The following TTN variants were observed in gnomAD, a reference collection of about 807,000 sequenced individuals.
TTN encodes connectin.
In TTN, 1,525 loss-of-function variants were observed where a neutral mutation model predicts 3,223.0. The observed-to-expected ratio is 0.47, with a 90% CI of 0.45 to 0.49. The LOEUF (loss-of-function observed/expected upper bound fraction) is 0.49, where lower values mean the gene tolerates loss of function less well. Among genes scored for constraint, TTN ranks in the 20% least tolerant of loss-of-function variants. The pLI, the probability that TTN is intolerant of heterozygous loss-of-function variation, is 0.00. For synonymous variants in TTN, 14,094 were observed against 15,161.0 expected (o/e 0.93, Z 5.17); for missense variants, 40,786 against 43,424.0 (o/e 0.94, Z 5.40).
chr2:178,804,833 T>C (rs373570218), intron 1 of TTN, among the ~76,000 whole-genome samples, 178 bp from the exon 2 acceptor site: 14 of 152,324 alleles, frequency 9.2e-5, no homozygotes, highest in African/African-American at 1.4e-4. Flanking sequence ...TAGTTCATCA[T>C]TGAGTTGACT....
rs2092394103 is a variant in TTN, at chr2:178,777,885, G to A, written c.4299C>T (p.Ser1433=). 2.5e-6 allele frequency: 4 copies of A among 1,613,914 alleles called. No individual in the cohort carries two copies. Among genetic ancestry groups the A allele is most frequent in the Non-Finnish European group, 8.5e-7 (1 of 1,179,916 alleles). Residue 1433 remains serine (S), a synonymous_variant, in exon 25 of 363, where the codon TCC becomes TCT. Coordinates refer to ENST00000589042, the MANE Select transcript of TTN (RefSeq NM_001267550.2). ...SPARMSPARM[S]PARMSPGRRL... is the part of the protein sequence containing the mutation. ...TACGTCCAGGGGACATTCTTGCAGG[G>A]GACATCCGTGCAGGAGACATCCTTG...
At position 178,547,866 on chromosome 2, in the gene TTN, T is replaced by G; in HGVS notation, c.93760A>C (p.Met31254Leu). The part of the protein sequence containing the change: ...APKVTWKLEE[M>L]RLKETDRVSI... ...ACTCGATCTGTCTCTTTAAGTCTCA[T>G]TTCTTCCAGTTTCCATGTTACTTTG... Residue 31254 changes from methionine to leucine, a missense_variant, in exon 339 of 363, where the codon ATG becomes CTG. By Grantham distance (15) the Met-to-Leu change is conservative (BLOSUM62 2). Coordinates refer to ENST00000589042, the MANE Select transcript of TTN (RefSeq NM_001267550.2). The G allele has an allele frequency of 6.2e-7, 1 of 1,613,902 alleles. No homozygotes were observed. Among genetic ancestry groups the G allele is most frequent in the Non-Finnish European group, 8.5e-7 (1 of 1,179,834 alleles).
chr2:178,591,596 T>A lies in TTN; in HGVS notation c.60220+3A>T. On this transcript the variant is annotated splice_donor_region_variant and intron_variant, in intron 303 of 362. Transcript: ENST00000589042. ...AAGGTAATACTGCTAGTCCAAAAAT[T>A]ACCTAGTTTTTCTTGACATTCTATC... 1 of 1,609,624 alleles carries A rather than the reference T, an allele frequency of 6.2e-7. No individual in the cohort carries two copies. Among genetic ancestry groups the A allele is most frequent in the Non-Finnish European group, 8.5e-7 (1 of 1,178,766 alleles).
intron 294 of TTN, among the ~76,000 whole-genome samples, chr2:178,596,198 T>A (rs1230282878): frequency 6.6e-6 from 1 of 151,488 alleles, no homozygotes; most frequent in Non-Finnish European, 1.5e-5. Context: ...ACCATGTTGG[T>A]CAGGCTGGTC....
intron 2 of TTN, among the ~76,000 whole-genome samples, chr2:178,802,625 C>T (rs1318729806): frequency 1.3e-5 from 2 of 152,202 alleles, no homozygotes; most frequent in African/African-American, 4.8e-5. Context: ...CATCTCCTGC[C>T]TGCCTGCCTA....
chr2:178,785,668 G>A lies in TTN; in HGVS notation c.2445C>T (p.His815=), dbSNP rs748421021. 1 of 1,614,112 alleles carries A rather than the reference G, an allele frequency of 6.2e-7. No homozygotes were observed. Among genetic ancestry groups the A allele is most frequent in the Non-Finnish European group, 8.5e-7 (1 of 1,179,986 alleles). ...VDKRPRTASP[H]FTVSKISVPK... ...GAACAGAAATTTTTGAAACAGTAAAGTGAGGGCTAGCTGTGCGGGGGCGTT... is the reference window on the plus strand; with the variant it reads ...GAACAGAAATTTTTGAAACAGTAAAATGAGGGCTAGCTGTGCGGGGGCGTT... Residue 815 remains histidine, a synonymous_variant, in exon 15 of 363, where the codon CAC becomes CAT. Coordinates refer to ENST00000589042, the MANE Select transcript of TTN (RefSeq NM_001267550.2).
intron 13 of TTN, 92 bp downstream of exon 13, chr2:178,789,268 G>A: frequency 6.6e-7 from 1 of 1,523,266 alleles, no homozygotes; most frequent in Non-Finnish European, 9.1e-7. Context: ...TCAGAGACTT[G>A]ATATTAATGT....
At chr2:178,685,430 G>T in intron 128 of TTN, 88 bp downstream of exon 128, 1 of 1,463,610 alleles carries the variant, frequency 6.8e-7, no homozygotes, top group Admixed American at 2.1e-5. Flanking sequence ...ATCAATATTT[G>T]CAATATGGAT....
rs777349143 is a variant in TTN at position 178,717,258 on chromosome 2, A to G, written c.25476T>C (p.Asp8492=). 47 of 1,613,720 alleles carry G rather than the reference A, an allele frequency of 2.9e-5. No homozygotes were observed. The highest frequency in any genetic ancestry group is 1.1e-4 in the East Asian group (5 of 44,868). The change falls in exon 88 of 363, where the codon GAT becomes GAC. Residue 8492 remains aspartate, a synonymous_variant. Transcript: ENST00000589042. The part of the protein sequence containing the change: ...TAPIKITWAK[D]NREIRPGGNY... ...TGCCTCCAGGGCGAATCTCTCGGTT[A>G]TCTTTGGCCCAAGTGATTTTGATTG...
chr2:178,640,745 T>C (rs1235373132), intron 220 of TTN, 115 bp from the exon 221 acceptor site: 2 of 791,398 alleles, frequency 2.5e-6, no homozygotes, highest in Non-Finnish European at 4.0e-6. Flanking sequence ...AAAAACCTTA[T>C]AGTTTATCAA....
In TTN at chr2:178,685,145, C is replaced by T. The variant is rs547876201; in HGVS notation, c.32470+108G>A. ...CGTTCATACATGTGTTCTGACAAAA[C>T]GTAGACAGTTATGCAAATTGTTATG... On this transcript the variant is annotated intron_variant, in intron 129 of 362. Coordinates refer to ENST00000589042, the MANE Select transcript of TTN (RefSeq NM_001267550.2). The T allele has an allele frequency of 2.8e-5, 34 of 1,194,634 alleles. No homozygotes were observed. In the African/African-American group the frequency reaches 2.9e-4, roughly 10 times the overall value. 74.0% of individuals were successfully genotyped at this position (1,194,634 alleles called of 1,614,324 possible).
chr2:178,534,263 G>A lies in TTN; in HGVS notation c.102352C>T (p.Arg34118Ter), dbSNP rs1212204584. 1 of 1,613,856 alleles carries A rather than the reference G, an allele frequency of 6.2e-7. No homozygotes were observed. The highest frequency in any genetic ancestry group is 8.5e-7 in the Non-Finnish European group (1 of 1,179,840). Residue 34118 changes from arginine (R) to a stop codon, truncating the protein, a stop_gained, in exon 358 of 363, where the codon CGA becomes TGA. Transcript: ENST00000589042. LOFTEE classifies it high-confidence loss of function. Reference sequence around the variant, plus strand: ...GCAACACTCACTCCCTTCTGAGATCGAATTGCACCACCACAGGAGATCCGG... The same window carrying A: ...GCAACACTCACTCCCTTCTGAGATCAAATTGCACCACCACAGGAGATCCGG... ...AARISCGGAI[R>*]SQKGVSVAKV...
Position 178,619,674 on chromosome 2 carries a change from T to G in TTN, c.46643A>C (p.Glu15548Ala). Residue 15548 changes from glutamate (E) to alanine (A), a missense_variant, in exon 250 of 363, where the codon GAA becomes GCA. Transcript: ENST00000589042. Reference sequence around the variant, plus strand: ...TTTGTCTTTGGCAATAAATCTGTATTCACCCTGGTCACGGGGCTTAATATC... The same window carrying G: ...TTTGTCTTTGGCAATAAATCTGTATGCACCCTGGTCACGGGGCTTAATATC... The part of the protein sequence containing the change: ...ICDIKPRDQG[E>A]YRFIAKDKEA... 6.2e-7 allele frequency: 1 copy of G among 1,612,204 alleles called. No homozygotes were observed. The highest frequency in any genetic ancestry group is 8.5e-7 in the Non-Finnish European group (1 of 1,178,860).
At position 178,554,010 on chromosome 2, in the gene TTN, TTTC is replaced by T. The variant is rs765495361; in HGVS notation, c.89098_89100del (p.Glu29700del). On this transcript the variant is annotated inframe_deletion, in exon 333 of 363. Transcript: ENST00000589042. Reference sequence around the variant, plus strand: ...CAAACTCTGTATTGATAGTCACTGTTTTCTGTGAGTCCTGTTACTTTTTGTCTG... The same window carrying T: ...CAAACTCTGTATTGATAGTCACTGTTTGTGAGTCCTGTTACTTTTTGTCTG... 24 of 1,613,490 alleles carry T rather than the reference TTTC, an allele frequency of 1.5e-5. No homozygotes were observed. In the Admixed American group the frequency reaches 3.7e-4, roughly 25 times the overall value.
Position 178,603,876 on chromosome 2 carries a change from A to G in TTN, c.54811T>C (p.Phe18271Leu), listed in dbSNP as rs2054133531. 6.3e-7 allele frequency: 1 copy of G among 1,578,064 alleles called. No individual in the cohort carries two copies. Among genetic ancestry groups the G allele is most frequent in the Non-Finnish European group, 8.7e-7 (1 of 1,155,392 alleles). ...SDPEVAGDPI[F>L]PPGPPSCPEV... ...TCCCCAGAAACGGAAGCATACTTAC[A>G]TATGGGATCTCCTGCAACCTCTGGA... The change falls in exon 282 of 363, where the codon TTT becomes CTT. Residue 18271 changes from phenylalanine (F) to leucine (L), a missense_variant and splice_region_variant. Phe to Leu is a conservative substitution (Grantham distance 22). Coordinates refer to ENST00000589042, the MANE Select transcript of TTN (RefSeq NM_001267550.2).
At position 178,664,502 on chromosome 2, in the gene TTN, T is replaced by C. The variant is rs902178215; in HGVS notation, c.36238A>G (p.Lys12080Glu). The C allele has an allele frequency of 5.6e-6, 9 of 1,612,272 alleles. No homozygotes were observed. Among genetic ancestry groups the C allele is most frequent in the Non-Finnish European group, 7.6e-6 (9 of 1,179,568 alleles). The change falls in exon 168 of 363, where the codon AAA (lysine) becomes GAA (glutamate). Residue 12080 changes from lysine (K) to glutamate (E), a missense_variant. Lys to Glu is a moderately conservative substitution (Grantham distance 56). Transcript: ENST00000589042. ...TCAGCCCTTTGGGGAGGATGCACTT[T>C]CTTTTCCGGGACAACTTCTCTGAGA... Reference protein sequence around the residue: ...EALREVVPEKKVHPPQRAEVV... With the variant: ...EALREVVPEKEVHPPQRAEVV...
intron 45 of TTN, among the ~76,000 whole-genome samples, chr2:178,757,295 C>T (rs1317949434): frequency 6.7e-6 from 1 of 149,960 alleles, no homozygotes; most frequent in Non-Finnish European, 1.5e-5. Flanking sequence ...AGAAGCCAAG[C>T]AAAGGTGGTG....
intron 1 of TTN, among the ~76,000 whole-genome samples, chr2:178,805,752 A>G (rs1005102337): frequency 6.6e-6 from 1 of 152,224 alleles, no homozygotes; most frequent in African/African-American, 2.4e-5. Flanking sequence ...AGTTCTTAAT[A>G]TGGAACAATT....
intron 111 of TTN, among the ~76,000 whole-genome samples, chr2:178,700,571 T>C (rs2074786241): frequency 6.6e-6 from 1 of 152,238 alleles, no homozygotes; most frequent in Admixed American, 6.5e-5. Flanking sequence ...CTCTACTGAG[T>C]ATTTGAGAGG....
Sources: gnomAD v4.1 joint callset for allele counts (sites outside exome capture counted in the v4.1 genomes callset) on GRCh38, gnomAD v4.1.1 for gene constraint, MANE v1.5 for transcripts, NCBI Gene and HGNC (gene_info 2026-07-23, HGNC 2026-07-21) for gene names.